The following EPYC variants were observed in gnomAD, a reference collection of about 807,000 sequenced individuals.
The protein encoded by EPYC is epiphycan.
A neutral mutation model predicts 30.1 loss-of-function variants in EPYC; 28 were observed. The observed-to-expected ratio is 0.93, with a 90% CI of 0.69 to 1.28. The LOEUF is 1.28. Among genes scored for constraint, EPYC ranks in the 50% most tolerant of loss-of-function variants. The pLI is 0.00. For synonymous variants in EPYC, 144 were observed against 141.4 expected (o/e 1.02, Z -0.13); for missense variants, 382 against 383.5 (o/e 1.00, Z 0.03).
At chr12:90,996,562 C>T (rs1264486787) in intron 2 of EPYC, among the ~76,000 whole-genome samples, 1 of 151,844 alleles carries the variant, frequency 6.6e-6, no homozygotes, top group African/African-American at 2.4e-5. Context: ...CTCTACCATT[C>T]CTACAATTTT....
intron 3 of EPYC, among the ~76,000 whole-genome samples, chr12:90,973,976 AAT>A (rs2120812183): frequency 6.6e-6 from 1 of 151,388 alleles, no homozygotes; most frequent in Non-Finnish European, 1.5e-5. Context: ...TGGAACCAAA[AAT>A]GTTTCTGAGG....
At chr12:90,965,842 C>T (rs558750364) in intron 6 of EPYC, among the ~76,000 whole-genome samples, 1 of 151,956 alleles carries the variant, frequency 6.6e-6, no homozygotes, top group South Asian at 2.1e-4. Flanking sequence ...GCTTGTACTG[C>T]CTTTGTTAAA....
At chr12:90,998,608 T>G (rs902619052) in intron 2 of EPYC, among the ~76,000 whole-genome samples, 3 of 152,156 alleles carry the variant, frequency 2.0e-5, no homozygotes, top group Admixed American at 1.3e-4. Context: ...TTTGACTTAT[T>G]GACCACCTAA....
intron 6 of EPYC, among the ~76,000 whole-genome samples, chr12:90,967,186 A>G (rs1209032335): frequency 2.6e-5 from 4 of 152,042 alleles, no homozygotes; most frequent in Non-Finnish European, 4.4e-5. Flanking sequence ...ATCTTAAGGT[A>G]GAAGGCTAGG....
At chr12:90,981,115 C>A (rs1402150826) in intron 2 of EPYC, among the ~76,000 whole-genome samples, 1 of 152,112 alleles carries the variant, frequency 6.6e-6, no homozygotes, top group Non-Finnish European at 1.5e-5. Flanking sequence ...AACAGTATAT[C>A]TATTCCAGAG....
chr12:90,980,948 G>C (rs1877311140), intron 2 of EPYC, among the ~76,000 whole-genome samples: 1 of 152,132 alleles, frequency 6.6e-6, no homozygotes, highest in South Asian at 2.1e-4. Context: ...CACTGCACTT[G>C]TGTGTCTTCT....
chr12:91,003,766 C>G (rs916042628), intron 1 of EPYC, among the ~76,000 whole-genome samples: 1 of 152,056 alleles, frequency 6.6e-6, no homozygotes, highest in Non-Finnish European at 1.5e-5. Context: ...TGTGGTGTTA[C>G]TACCTATGCA....
chr12:90,977,109 G>C (rs1001306424), intron 3 of EPYC, among the ~76,000 whole-genome samples: 1 of 152,116 alleles, frequency 6.6e-6, no homozygotes, highest in Admixed American at 6.6e-5. Context: ...AAATATTCAT[G>C]AGAACGGTAG....
Position 90,989,514 on chromosome 12 carries a change from CT to C in EPYC, c.166-11253del, listed in dbSNP as rs554349167. 4.1e-3 allele frequency among the ~76,000 whole-genome samples: 628 copies of C among 151,712 alleles called. 3 individuals carry two copies. Among genetic ancestry groups the C allele is most frequent in the Middle Eastern group, 0.014 (4 of 294 alleles). On this transcript the variant is annotated intron_variant, in intron 2 of 6. Transcript: ENST00000261172. Reference sequence around the variant, plus strand: ...ATATCAAGTTTAGAACATGTACATGCTTTTTTTTAAATCTATCCCAATGTAT... The same window carrying C: ...ATATCAAGTTTAGAACATGTACATGCTTTTTTTAAATCTATCCCAATGTAT...
chr12:91,002,601 C>T (rs780312741), intron 1 of EPYC, 23 bp from the exon 2 acceptor site: 42 of 1,507,816 alleles, frequency 2.8e-5, no homozygotes, highest in Non-Finnish European at 3.7e-5. Context: ...TATTAAAATG[C>T]ATAAATATTT....
chr12:91,002,053 C>T (rs1297274805), intron 2 of EPYC, among the ~76,000 whole-genome samples: 1 of 151,186 alleles, frequency 6.6e-6, no homozygotes, highest in Non-Finnish European at 1.5e-5. Context: ...TGCGTGTGTC[C>T]TAGCTACGAG....
At chr12:90,984,079 G>T (rs978453165) in intron 2 of EPYC, among the ~76,000 whole-genome samples, 1 of 152,114 alleles carries the variant, frequency 6.6e-6, no homozygotes, top group Non-Finnish European at 1.5e-5. Context: ...CTCCCTCAGG[G>T]TATGGCCCTC....
At chr12:91,004,067 C>A (rs1402764512) in intron 1 of EPYC, among the ~76,000 whole-genome samples, 1 of 152,062 alleles carries the variant, frequency 6.6e-6, no homozygotes, top group African/African-American at 2.4e-5. Context: ...CAATTACCAA[C>A]AAAGTCCTAC....
chr12:90,997,184 G>A (rs1253432116), intron 2 of EPYC, among the ~76,000 whole-genome samples: 1 of 151,938 alleles, frequency 6.6e-6, no homozygotes, highest in African/African-American at 2.4e-5. Flanking sequence ...TCATCATACA[G>A]CAAATACAAT....
At chr12:90,970,659 A>G (rs900632976) in intron 5 of EPYC, among the ~76,000 whole-genome samples, 6 of 152,232 alleles carry the variant, frequency 3.9e-5, no homozygotes, top group African/African-American at 1.4e-4. Flanking sequence ...ACTGTGACTC[A>G]TCACCACCTG....
At chr12:90,977,042 A>C (rs1269308156) in intron 3 of EPYC, among the ~76,000 whole-genome samples, 2 of 152,166 alleles carry the variant, frequency 1.3e-5, no homozygotes, top group Non-Finnish European at 2.9e-5. Context: ...AAATGGATTA[A>C]TACATACAGT....
intron 6 of EPYC, among the ~76,000 whole-genome samples, chr12:90,965,088 T>C (rs1038697554): frequency 1.3e-5 from 2 of 152,196 alleles, no homozygotes; most frequent in African/African-American, 4.8e-5. Flanking sequence ...ATCTGGACAT[T>C]TCACGTAAGT....
intron 2 of EPYC, among the ~76,000 whole-genome samples, chr12:90,990,544 A>G (rs1877558500): frequency 6.6e-6 from 1 of 152,118 alleles, no homozygotes; most frequent in Non-Finnish European, 1.5e-5. Context: ...TCCTGGGGCA[A>G]AATTATCTTA....
At chr12:90,975,590 A>G (rs1565871721) in intron 3 of EPYC, among the ~76,000 whole-genome samples, 1 of 152,072 alleles carries the variant, frequency 6.6e-6, no homozygotes, top group Admixed American at 6.6e-5. Flanking sequence ...CTAAATTGAC[A>G]TTAGTGAAGC....
Sources: gnomAD v4.1 joint callset for allele counts (sites outside exome capture counted in the v4.1 genomes callset) on GRCh38, gnomAD v4.1.1 for gene constraint, MANE v1.5 for transcripts, NCBI Gene and HGNC (gene_info 2026-07-23, HGNC 2026-07-21) for gene names.